The following ZP3 variants were observed in gnomAD, a reference collection of about 807,000 sequenced individuals.
ZP3 encodes the protein zona pellucida glycoprotein 3.
In ZP3, 21 loss-of-function variants were observed where a neutral mutation model predicts 35.6. The ratio of observed to expected loss-of-function variants is 0.59; its 90% CI spans 0.42 to 0.85. The LOEUF (loss-of-function observed/expected upper bound fraction) is 0.85, where lower values mean the gene tolerates loss of function less well. Among genes scored for constraint, ZP3 ranks in the 40% least tolerant of loss-of-function variants. The pLI is 0.00. For missense variants in ZP3, 437 were observed against 536.5 expected, an observed-to-expected ratio of 0.81 and a Z score of 1.83; for synonymous variants, 207 against 214.5, an observed-to-expected ratio of 0.96 and a Z score of 0.31.
At chr7:76,404,263 A>T (rs1349243037) in intron 1 of ZP3, 1 of 1,499,516 alleles carries the variant, frequency 6.7e-7, no homozygotes. Flanking sequence ...GACAACTGAG[A>T]TTCAGAAAGA....
intron 4 of ZP3, 94 bp downstream of exon 4, chr7:76,433,741 C>A: frequency 7.4e-7 from 1 of 1,358,676 alleles, no homozygotes; most frequent in Non-Finnish European, 1.0e-6. Flanking sequence ...CTCTGTAACC[C>A]AGGCTGGAAT....
chr7:76,433,063 G>T (rs1221025184), intron 3 of ZP3, 33 bp downstream of exon 3: 1 of 1,553,886 alleles, frequency 6.4e-7, no homozygotes, highest in African/African-American at 1.4e-5. Context: ...GACATCTGTG[G>T]AAAGACCTGG....
intron 5 of ZP3, among the ~76,000 whole-genome samples, chr7:76,436,937 C>T (rs1806033900): frequency 1.3e-5 from 2 of 152,122 alleles, no homozygotes; most frequent in South Asian, 4.1e-4. Flanking sequence ...ATAGTCTGAG[C>T]CCTTGGAGGG....
chr7:76,440,625 T>A lies in ZP3; in HGVS notation c.1060+14T>A, dbSNP rs371198451. On this transcript the variant is annotated intron_variant, in intron 7 of 7. Coordinates refer to ENST00000394857, the MANE Select transcript of ZP3 (RefSeq NM_001110354.2). ...ACCGCAGGCATGGTATGTCACAGAATGGCCAAGAGGCTGTTCATTGTCCCT... is the reference window on the plus strand; with the variant it reads ...ACCGCAGGCATGGTATGTCACAGAAAGGCCAAGAGGCTGTTCATTGTCCCT... The A allele has an allele frequency of 8.7e-6, 14 of 1,604,240 alleles. No individual in the cohort carries two copies. The African/African-American group carries it at 1.7e-4, about 20-fold the overall frequency.
chr7:76,421,756 A>G (rs1805508820), upstream of ZP3, among the ~76,000 whole-genome samples: 2 of 151,252 alleles, frequency 1.3e-5, no homozygotes, highest in Non-Finnish European at 2.9e-5. Flanking sequence ...CACCATGCCC[A>G]GCTAATGCCA....
At chr7:76,428,166 A>AC (rs1805724264) in intron 1 of ZP3, among the ~76,000 whole-genome samples, 1 of 133,496 alleles carries the variant, frequency 7.5e-6, no homozygotes, top group South Asian at 2.8e-4. Flanking sequence ...TCTCTATTTA[A>AC]AAAAAAAAAA....
chr7:76,404,294 G>A, intron 1 of ZP3: 2 of 1,582,812 alleles, frequency 1.3e-6, no homozygotes, highest in Non-Finnish European at 8.6e-7. Flanking sequence ...AGGGCTAACA[G>A]GGGAGGACTC....
intron 5 of ZP3, among the ~76,000 whole-genome samples, chr7:76,437,750 C>T (rs1348914992): frequency 6.6e-6 from 1 of 151,418 alleles, no homozygotes; most frequent in Non-Finnish European, 1.5e-5. Flanking sequence ...CCACTGACCT[C>T]AGCCTCCCAA....
intron 2 of ZP3, among the ~76,000 whole-genome samples, chr7:76,432,035 T>A (rs200558768): frequency 1.4e-3 from 199 of 147,080 alleles, no homozygotes; most frequent in Middle Eastern, 0.01. Flanking sequence ...GTTTTTTGTT[T>A]AAAAAAAAAA....
rs114127209 is a variant in ZP3 at position 76,399,483 on chromosome 7, G to A, written c.-67+1686G>A. Among the ~76,000 whole-genome samples the A allele has an allele frequency of 5.2e-3, 784 of 152,098 alleles. 9 individuals carry two copies. Among genetic ancestry groups the A allele is most frequent in the African/African-American group, 0.017 (699 of 41,488 alleles). The stretch of plus-strand genomic sequence containing the variant: ...ACTAGAAGCACTGCTCTCAGTTTCC[G>A]CTGCAGCTCTATGCCACGTGGAGCG... On this transcript the variant is annotated intron_variant, in intron 1 of 8. Transcript: ENST00000336517.
chr7:76,423,028 A>AGAAAGAAAGAAAGAAAGAAAGT (rs1491359878), upstream of ZP3, among the ~76,000 whole-genome samples: 31 of 61,108 alleles, frequency 5.1e-4, 1 homozygote, highest in African/African-American at 1.9e-3. Context: ...AGAGAGAGAG[A>AGAAAGAAAGAAAGAAAGAAAGT]AAGAAAGAAA....
upstream of ZP3, chr7:76,424,878 T>A (rs13232187): frequency 3.1e-6 from 4 of 1,309,952 alleles, no homozygotes; most frequent in Non-Finnish European, 4.1e-6. Context: ...GGGAGGCAGC[T>A]GAGAAGCTGA....
intron 1 of ZP3, among the ~76,000 whole-genome samples, chr7:76,412,337 C>T (rs1207181863): frequency 1.3e-5 from 2 of 151,996 alleles, no homozygotes; most frequent in Non-Finnish European, 1.5e-5. Flanking sequence ...AAAACATCTT[C>T]AAAATGATGA....
Position 76,433,526 on chromosome 7 carries a change from C to T in ZP3, c.592C>T (p.Leu198Phe). ...CTTCCACCTGGGAGATGCAGCCCAC[C>T]TCCAGGCAGAAATCCACACTGGCAG... ...PTFHLGDAAH[L>F]QAEIHTGSHV... Residue 198 changes from leucine to phenylalanine, a missense_variant, in exon 4 of 8, where the codon CTC (leucine) becomes TTC (phenylalanine). Physicochemically the swap from Leu to Phe is conservative, Grantham distance 22 (BLOSUM62 0). Coordinates refer to ENST00000394857, the MANE Select transcript of ZP3 (RefSeq NM_001110354.2). 4 of 1,614,148 alleles carry T rather than the reference C, an allele frequency of 2.5e-6. No individual in the cohort carries two copies. The highest frequency in any genetic ancestry group is 3.4e-6 in the Non-Finnish European group (4 of 1,180,016).
In ZP3 at chr7:76,437,428, A is replaced by T. The variant is rs1364884927; in HGVS notation, c.832-2822A>T. On this transcript the variant is annotated intron_variant, in intron 5 of 7. Transcript: ENST00000394857. ...TGACCTCAGGTGATCCACCTGCCTC[A>T]GCAAGTGCTGGGATTACAGGCATGA... Among the ~76,000 whole-genome samples, 6 of 150,642 alleles carry T rather than the reference A, an allele frequency of 4.0e-5. No individual in the cohort carries two copies. In the East Asian group the frequency reaches 1.2e-3, roughly 30 times the overall value.
chr7:76,424,999 T>C lies in ZP3; in HGVS notation c.35T>C (p.Leu12Pro). The change falls in exon 1 of 8, where the codon CTG becomes CCG. Residue 12 changes from leucine (L) to proline (P), a missense_variant. Physicochemically the swap from Leu to Pro is moderately conservative, Grantham distance 98. Around this residue, in one of 6 missense-constraint regions of ZP3, gnomAD observed 352 missense variants for 308.4 expected, o/e 1.14. Coordinates refer to ENST00000394857, the MANE Select transcript of ZP3 (RefSeq NM_001110354.2). ...AGCTATAGGCTCTTCATCTGCCTCCTGCTCTGGGGTAGTACTGAGCTGTGC... is the reference window on the plus strand; with the variant it reads ...AGCTATAGGCTCTTCATCTGCCTCCCGCTCTGGGGTAGTACTGAGCTGTGC... ...ELSYRLFICL[L>P]LWGSTELCYP... 2 of 1,560,032 alleles carry C rather than the reference T, an allele frequency of 1.3e-6. No homozygotes were observed. The highest frequency in any genetic ancestry group is 1.7e-6 in the Non-Finnish European group (2 of 1,153,494).
chr7:76,433,278 C>A (rs1207924742), intron 3 of ZP3, among the ~76,000 whole-genome samples, 192 bp from the exon 4 acceptor site: 11 of 152,038 alleles, frequency 7.2e-5, no homozygotes, highest in Non-Finnish European at 1.6e-4. Context: ...CCTCAGCCTC[C>A]CGAGTAACTG....
intron 1 of ZP3, among the ~76,000 whole-genome samples, chr7:76,414,612 C>A (rs918229263): frequency 6.7e-6 from 1 of 149,188 alleles, no homozygotes; most frequent in Non-Finnish European, 1.5e-5. Context: ...CCATTTAGGA[C>A]AGTTAGGAAA....
chr7:76,400,000 T>TA (rs1279596672), intron 1 of ZP3, among the ~76,000 whole-genome samples: 1 of 152,110 alleles, frequency 6.6e-6, no homozygotes, highest in African/African-American at 2.4e-5. Flanking sequence ...CCAAAATCTC[T>TA]AAAAAAATTT....
Sources: gnomAD v4.1 joint callset for allele counts (sites outside exome capture counted in the v4.1 genomes callset) on GRCh38, gnomAD v4.1.1 for gene constraint, gnomAD v4.1.1 regional missense constraint, MANE v1.5 for transcripts, NCBI Gene and HGNC (gene_info 2026-07-23, HGNC 2026-07-21) for gene names.